GLIS3: variants seen among roughly 807,000 people sequenced by gnomAD.
GLIS3 encodes GLIS family zinc finger 3.
In GLIS3, 53 loss-of-function variants were observed where a neutral mutation model predicts 78.6. The observed-to-expected ratio is 0.67, with a 90% CI of 0.54 to 0.85. The LOEUF (loss-of-function observed/expected upper bound fraction) is 0.85, where lower values mean the gene tolerates loss of function less well. GLIS3 is among the 40% of genes least tolerant of loss of function. The probability of loss-of-function intolerance (pLI) is 0.00; values close to 1 mark genes in which losing one functional copy is unlikely to be tolerated. For synonymous variants in GLIS3, 684 were observed against 509.9 expected (o/e 1.34, Z -4.60); for missense variants, 1,703 against 1,231.1 (o/e 1.38, Z -5.74).
intron 4 of GLIS3, among the ~76,000 whole-genome samples, chr9:3,981,445 G>C (rs1371452812): frequency 6.6e-6 from 1 of 152,112 alleles, no homozygotes; most frequent in Non-Finnish European, 1.5e-5. Context: ...TTCACCATAA[G>C]GATCATGCGG....
intron 4 of GLIS3, among the ~76,000 whole-genome samples, chr9:3,951,999 C>G (rs1344530276): frequency 1.3e-5 from 2 of 151,708 alleles, no homozygotes; most frequent in Non-Finnish European, 2.9e-5. Flanking sequence ...TTTAGACAAG[C>G]GTGGTGAGAG....
chr9:4,228,652 A>T (rs567080303), intron 2 of GLIS3, among the ~76,000 whole-genome samples: 3 of 152,348 alleles, frequency 2.0e-5, no homozygotes, highest in African/African-American at 7.2e-5. Context: ...GTATGCATGT[A>T]TCCATGTGCA....
chr9:4,317,647 C>G (rs1005790485), intron 2 of GLIS3, among the ~76,000 whole-genome samples: 3 of 152,114 alleles, frequency 2.0e-5, no homozygotes, highest in Admixed American at 2.0e-4. Context: ...CTAAATGTAT[C>G]TTTTTTAAAA....
chr9:3,973,069 A>T (rs1175244794), intron 4 of GLIS3, among the ~76,000 whole-genome samples: 1 of 152,172 alleles, frequency 6.6e-6, no homozygotes, highest in Admixed American at 6.6e-5. Context: ...CACTGAAGCT[A>T]TCATATTCAT....
intron 2 of GLIS3, among the ~76,000 whole-genome samples, chr9:4,236,997 C>G (rs1822819667): frequency 1.3e-5 from 2 of 152,210 alleles, no homozygotes; most frequent in South Asian, 4.2e-4. Flanking sequence ...GAATCCTTCA[C>G]TCTGTAGCTT....
At chr9:4,294,487 C>T (rs994252189) in intron 1 of GLIS3, among the ~76,000 whole-genome samples, 11 of 150,324 alleles carry the variant, frequency 7.3e-5, no homozygotes, top group Admixed American at 6.6e-5. Flanking sequence ...CCAGCCTGGG[C>T]AGCAAGAGCG....
intron 6 of GLIS3, among the ~76,000 whole-genome samples, chr9:3,900,588 G>C (rs1360498717): frequency 2.0e-5 from 3 of 151,902 alleles, no homozygotes; most frequent in African/African-American, 4.8e-5. Context: ...TCCACAAATA[G>C]GGCTAATCAA....
chr9:3,924,042 C>T (rs1825066145), intron 6 of GLIS3, among the ~76,000 whole-genome samples: 1 of 152,202 alleles, frequency 6.6e-6, no homozygotes, highest in African/African-American at 2.4e-5. Context: ...GGTCTATGAG[C>T]CCCAAGTCAA....
At chr9:4,450,372 T>C in the GLIS3 span, among the ~76,000 whole-genome samples, 5 of 152,298 alleles carry the variant, frequency 3.3e-5, no homozygotes, top group African/African-American at 1.2e-4. Flanking sequence ...CTACGTTTGA[T>C]TGGTGTACCT....
the GLIS3 span, among the ~76,000 whole-genome samples, chr9:4,444,107 T>G: frequency 6.6e-6 from 1 of 152,194 alleles, no homozygotes; most frequent in African/African-American, 2.4e-5. Flanking sequence ...TGGTCAGTCA[T>G]AGAAATGATG....
chr9:4,192,072 A>G (rs185386681), intron 2 of GLIS3, among the ~76,000 whole-genome samples: 10 of 152,288 alleles, frequency 6.6e-5, no homozygotes, highest in Admixed American at 2.6e-4. Flanking sequence ...TTCTTGTGAT[A>G]AACATTGAGC....
intron 7 of GLIS3, among the ~76,000 whole-genome samples, chr9:3,897,277 G>A (rs566504546): frequency 5.9e-5 from 9 of 152,216 alleles, no homozygotes; most frequent in African/African-American, 1.9e-4. Flanking sequence ...TGGGTTCCAG[G>A]TCTTAGTAAG....
chr9:4,469,593 AC>A, the GLIS3 span, among the ~76,000 whole-genome samples: 1 of 152,320 alleles, frequency 6.6e-6, no homozygotes, highest in East Asian at 1.9e-4. Context: ...ACCAAACATA[AC>A]AAAGACACAA....
At chr9:4,247,052 G>C (rs566083188) in intron 2 of GLIS3, among the ~76,000 whole-genome samples, 7 of 152,286 alleles carry the variant, frequency 4.6e-5, no homozygotes, top group Non-Finnish European at 1.0e-4. Flanking sequence ...AAACCACTCT[G>C]GGTTTTAAAA....
At chr9:4,435,168 C>A in the GLIS3 span, among the ~76,000 whole-genome samples, 2 of 152,228 alleles carry the variant, frequency 1.3e-5, no homozygotes, top group Non-Finnish European at 2.9e-5. Context: ...CCAGATTCTT[C>A]CTCTCAATGA....
the GLIS3 span, among the ~76,000 whole-genome samples, chr9:4,362,943 G>C: frequency 3.3e-5 from 5 of 152,062 alleles, no homozygotes; most frequent in African/African-American, 1.2e-4. Flanking sequence ...AAGGTAGCAA[G>C]GGAGAAATGC....
the GLIS3 span, among the ~76,000 whole-genome samples, chr9:4,407,503 C>T: frequency 6.6e-6 from 1 of 152,034 alleles, no homozygotes; most frequent in Non-Finnish European, 1.5e-5. Flanking sequence ...AACAATTAGC[C>T]GGGCGTGGTG....
the GLIS3 span, among the ~76,000 whole-genome samples, chr9:4,370,180 T>A: frequency 1.7e-5 from 1 of 57,174 alleles, no homozygotes; most frequent in Admixed American, 3.1e-4. Context: ...CAAGACTCCA[T>A]CTCAAAAAAA....
At chr9:3,968,968 CA>C (rs1403436966) in intron 4 of GLIS3, among the ~76,000 whole-genome samples, 1 of 152,180 alleles carries the variant, frequency 6.6e-6, no homozygotes, top group African/African-American at 2.4e-5. Flanking sequence ...ACACCCTTTG[CA>C]AAAGTGTGTT....
Sources: gnomAD v4.1 joint callset for allele counts (sites outside exome capture counted in the v4.1 genomes callset) on GRCh38, gnomAD v4.1.1 for gene constraint, MANE v1.5 for transcripts, NCBI Gene and HGNC (gene_info 2026-07-23, HGNC 2026-07-21) for gene names.